Variants in PBRM1 observed in about 807,000 individuals in gnomAD.
PBRM1 encodes the protein polybromo 1, also known as protein polybromo-1.
In PBRM1, 27 loss-of-function variants were observed where a neutral mutation model predicts 194.5. The observed-to-expected ratio is 0.14, with a 90% CI of 0.10 to 0.19. PBRM1 has a LOEUF of 0.19. PBRM1 is among the 10% of genes least tolerant of loss of function. PBRM1 has a pLI of 1.00. For synonymous variants in PBRM1, 655 were observed against 693.2 expected, an observed-to-expected ratio of 0.94 and a Z score of 0.87; for missense variants, 1,466 against 2,077.2, an observed-to-expected ratio of 0.71 and a Z score of 5.72.
At chr3:52,620,301 C>G (rs1022858389) in intron 13 of PBRM1, among the ~76,000 whole-genome samples, 1 of 152,118 alleles carries the variant, frequency 6.6e-6, no homozygotes, top group African/African-American at 2.4e-5. Context: ...GATTAGATCT[C>G]GCATGTGGGG....
intron 21 of PBRM1, 174 bp downstream of exon 23, chr3:52,578,880 G>T (rs939484357): frequency 7.2e-6 from 5 of 693,210 alleles, no homozygotes; most frequent in South Asian, 3.1e-5. Context: ...AAACAAAAGA[G>T]CCCAAAGGGA....
intron 15 of PBRM1, 140 bp downstream of exon 17, chr3:52,615,211 G>C (rs150204720): frequency 1.9e-4 from 104 of 558,242 alleles, no homozygotes; most frequent in African/African-American, 1.5e-3. Context: ...AAATGAGAGG[G>C]CTTGACAAGA....
At chr3:52,658,269 G>A in exon 5 of PBRM1, 1 of 1,612,936 alleles carries the variant, frequency 6.2e-7, no homozygotes, top group Non-Finnish European at 8.5e-7. Context: ...TACAACTATG[G>A]CTTCAAGAAG....
At chr3:52,583,617 CCCCTAGA>C (rs1366377177) in intron 20 of PBRM1, among the ~76,000 whole-genome samples, 2 of 151,906 alleles carry the variant, frequency 1.3e-5, no homozygotes, top group Non-Finnish European at 2.9e-5. Flanking sequence ...CCTACTTTCC[CCCCTAGA>C]CCCTAAAGAG....
At chr3:52,624,692 C>T (rs1298950361) in intron 13 of PBRM1, among the ~76,000 whole-genome samples, 3 of 152,234 alleles carry the variant, frequency 2.0e-5, no homozygotes, top group Non-Finnish European at 4.4e-5. Flanking sequence ...ATTAAGGCTA[C>T]TTCTGAACTA....
At chr3:52,628,306 A>G (rs1446961334) in intron 12 of PBRM1, among the ~76,000 whole-genome samples, 1 of 151,358 alleles carries the variant, frequency 6.6e-6, no homozygotes, top group Non-Finnish European at 1.5e-5. Flanking sequence ...GCTTCCTCCA[A>G]TCAGAAGGCT....
At chr3:52,610,458 A>G (rs2094550012) in intron 15 of PBRM1, among the ~76,000 whole-genome samples, 1 of 152,242 alleles carries the variant, frequency 6.6e-6, no homozygotes, top group Non-Finnish European at 1.5e-5. Context: ...CAGTAGCAGT[A>G]TAGCCCACAT....
intron 15 of PBRM1, among the ~76,000 whole-genome samples, chr3:52,614,727 T>C (rs2094860929): frequency 6.6e-6 from 1 of 152,000 alleles, no homozygotes. Flanking sequence ...TGTACCCCCA[T>C]GTCCGGCTAA....
rs1225628953 is a variant in PBRM1 at position 52,617,601 on chromosome 3, A to C, written c.1542-63T>G. Reference sequence around the variant, plus strand: ...TAGGTTCAGTTTTCTTAATATACGGATGACCACAAAATAAAACAAATTATT... The same window carrying C: ...TAGGTTCAGTTTTCTTAATATACGGCTGACCACAAAATAAAACAAATTATT... On this transcript the variant is annotated intron_variant, in intron 13 of 29. Transcript: ENST00000296302. The C allele has an allele frequency of 3.3e-6, 4 of 1,201,502 alleles. No homozygotes were observed. The African/African-American group carries it at 4.6e-5, about 14-fold the overall frequency. 74.4% of individuals were successfully genotyped at this position (1,201,502 alleles called of 1,614,324 possible).
chr3:52,571,626 CAAAAAAAAAA>C (rs778993265), intron 22 of PBRM1, among the ~76,000 whole-genome samples: 1 of 38,706 alleles, frequency 2.6e-5, no homozygotes, highest in African/African-American at 1.0e-4. Context: ...AACTCCATCT[CAAAAAAAAAA>C]AAAAAAAAAA....
At chr3:52,569,816 TCTTA>T (rs985026108) in intron 22 of PBRM1, among the ~76,000 whole-genome samples, 4 of 152,240 alleles carry the variant, frequency 2.6e-5, no homozygotes, top group African/African-American at 9.6e-5. Context: ...ATCTCACTTC[TCTTA>T]CTGTTTGCCA....
At chr3:52,632,798 A>G (rs1167566474) in intron 11 of PBRM1, among the ~76,000 whole-genome samples, 1 of 151,282 alleles carries the variant, frequency 6.6e-6, no homozygotes, top group Non-Finnish European at 1.5e-5. Context: ...GGTTCAAGCA[A>G]TTCTCCTACC....
intron 10 of PBRM1, 76 bp from the exon 12 acceptor site, chr3:52,634,891 A>C: frequency 1.0e-6 from 1 of 979,406 alleles, no homozygotes; most frequent in Non-Finnish European, 1.6e-6. Flanking sequence ...TTCATTTAAC[A>C]ACCTTCCAGA....
intron 5 of PBRM1, among the ~76,000 whole-genome samples, chr3:52,654,688 C>T (rs2096573787): frequency 1.3e-5 from 2 of 152,110 alleles, no homozygotes; most frequent in Admixed American, 1.3e-4. Context: ...GTTGATTTGA[C>T]CATCACTGAT....
intron 16 of PBRM1, among the ~76,000 whole-genome samples, chr3:52,604,899 A>T (rs1232460712): frequency 6.6e-6 from 1 of 151,956 alleles, no homozygotes; most frequent in Non-Finnish European, 1.5e-5. Flanking sequence ...GGTTGCAGTG[A>T]GCCAAGATCG....
chr3:52,583,289 A>G (rs565909194), intron 20 of PBRM1, among the ~76,000 whole-genome samples: 19 of 151,704 alleles, frequency 1.3e-4, no homozygotes, highest in African/African-American at 4.6e-4. Flanking sequence ...GCACACCTGC[A>G]ATCCCAGCCA....
intron 22 of PBRM1, among the ~76,000 whole-genome samples, chr3:52,570,575 G>T (rs2086729981): frequency 6.6e-6 from 1 of 152,140 alleles, no homozygotes; most frequent in South Asian, 2.1e-4. Context: ...AATGGAGGTG[G>T]TATCTCTGTG....
At chr3:52,675,105 T>C (rs1343352949) in intron 2 of PBRM1, among the ~76,000 whole-genome samples, 1 of 152,162 alleles carries the variant, frequency 6.6e-6, no homozygotes, top group African/African-American at 2.4e-5. Context: ...GGAAAACATG[T>C]ATGCCAACAA....
At chr3:52,644,112 T>C in intron 8 of PBRM1, among the ~76,000 whole-genome samples, 1 of 151,650 alleles carries the variant, frequency 6.6e-6, no homozygotes, top group Non-Finnish European at 1.5e-5. Flanking sequence ...ATCTATTCTG[T>C]GTAATATTAA....
Sources: allele counts gnomAD v4.1 joint callset (sites outside exome capture counted in the v4.1 genomes callset), GRCh38; gene constraint gnomAD v4.1.1; transcripts MANE v1.5; gene names NCBI Gene and HGNC (gene_info 2026-07-23, HGNC 2026-07-21).